Variants in TCP11L1 observed in about 807,000 individuals in gnomAD.
TCP11L1 encodes the protein T-complex protein 11-like protein 1.
A neutral mutation model predicts 48.9 loss-of-function variants in TCP11L1; 28 were observed. The observed-to-expected ratio is 0.57, with a 90% CI of 0.42 to 0.78. The LOEUF is 0.78. Among genes scored for constraint, TCP11L1 ranks in the 30% least tolerant of loss-of-function variants. The pLI is 0.00. For missense variants in TCP11L1, 505 were observed against 613.4 expected, an observed-to-expected ratio of 0.82 and a Z score of 1.87; for synonymous variants, 204 against 231.9, an observed-to-expected ratio of 0.88 and a Z score of 1.09.
intron 2 of TCP11L1, among the ~76,000 whole-genome samples, chr11:33,049,225 C>T (rs968013856): frequency 2.2e-5 from 3 of 138,326 alleles, no homozygotes; most frequent in African/African-American, 8.3e-5. Flanking sequence ...ACTCCAGCCT[C>T]GTGACAGAGC....
intron 9 of TCP11L1, among the ~76,000 whole-genome samples, chr11:33,070,688 A>C (rs1854759849): frequency 6.8e-6 from 1 of 147,220 alleles, no homozygotes; most frequent in Admixed American, 6.8e-5. Context: ...TCTGTCTCAA[A>C]AAAAAAAAAA....
intron 2 of TCP11L1, among the ~76,000 whole-genome samples, chr11:33,048,148 A>G (rs1287265958): frequency 6.6e-6 from 1 of 152,132 alleles, no homozygotes; most frequent in East Asian, 1.9e-4. Context: ...TGTATCACGT[A>G]AGATAAACTC....
chr11:33,057,144 A>G lies in TCP11L1; in HGVS notation c.326A>G (p.His109Arg). The G allele has an allele frequency of 6.2e-7, 1 of 1,614,020 alleles. No homozygotes were observed. The highest frequency in any genetic ancestry group is 8.5e-7 in the Non-Finnish European group (1 of 1,180,002). ...SLKKRVKEIV[H>R]KAFWDCLSVQ... ...AAGAAGAGAGTAAAGGAGATTGTAC[A>G]TAAAGCGTTTTGGGATTGCTTGAGT... The change falls in exon 4 of 10, where the codon CAT becomes CGT. Residue 109 changes from histidine to arginine, a missense_variant. Around this residue, in one of 3 missense-constraint regions of TCP11L1, gnomAD observed 168 missense variants for 183.5 expected, o/e 0.92. Coordinates refer to ENST00000334274, the MANE Select transcript of TCP11L1 (RefSeq NM_018393.4).
chr11:33,043,064 TCAAAA>T (rs972204842), intron 1 of TCP11L1, among the ~76,000 whole-genome samples: 104 of 152,210 alleles, frequency 6.8e-4, no homozygotes, highest in African/African-American at 1.9e-3. Flanking sequence ...AAACTCTGTC[TCAAAA>T]CAAAACAAAA....
At chr11:33,059,341 A>C (rs1854407393) in intron 6 of TCP11L1, among the ~76,000 whole-genome samples, 1 of 152,232 alleles carries the variant, frequency 6.6e-6, no homozygotes, top group South Asian at 2.1e-4. Context: ...AAAAACAATG[A>C]ATTCCTAAAT....
intron 1 of TCP11L1, among the ~76,000 whole-genome samples, chr11:33,041,597 G>A (rs4465343): frequency 0.41 from 61,961 of 151,756 alleles, 12,825 homozygotes; most frequent in African/African-American, 0.46. Flanking sequence ...CTAAAAATAC[G>A]AAAATTAGCG....
At chr11:33,058,861 G>C (rs112498700) in intron 5 of TCP11L1, 98 bp from the exon 6 acceptor site, 229,171 of 1,367,758 alleles carry the variant, frequency 0.17, 20,493 homozygotes, top group East Asian at 0.3. Context: ...CTCCCAAAGT[G>C]TTGGGATTAC....
intron 7 of TCP11L1, among the ~76,000 whole-genome samples, chr11:33,063,857 C>T (rs1225141885): frequency 1.3e-5 from 2 of 152,190 alleles, no homozygotes; most frequent in Non-Finnish European, 2.9e-5. Context: ...CTGGAGGAAG[C>T]TCTAAAGAGA....
intron 5 of TCP11L1, 95 bp downstream of exon 5, chr11:33,058,234 T>C (rs906499771): frequency 5.9e-6 from 7 of 1,194,984 alleles, no homozygotes; most frequent in Admixed American, 5.7e-5. Context: ...AGTCTCACTC[T>C]GTTGCAAAGG....
intron 2 of TCP11L1, among the ~76,000 whole-genome samples, chr11:33,044,406 AT>A (rs1387786671): frequency 6.6e-6 from 1 of 152,238 alleles, no homozygotes; most frequent in African/African-American, 2.4e-5. Flanking sequence ...TGGTGAAGTC[AT>A]TTCAGATCCC....
At chr11:33,041,605 G>A (rs932181623) in intron 1 of TCP11L1, among the ~76,000 whole-genome samples, 1 of 152,102 alleles carries the variant, frequency 6.6e-6, no homozygotes, top group Non-Finnish European at 1.5e-5. Flanking sequence ...ACGAAAATTA[G>A]CGAGGCGTGG....
intron 4 of TCP11L1, among the ~76,000 whole-genome samples, 200 bp from the exon 5 acceptor site, chr11:33,057,719 C>A (rs772796198): frequency 3.3e-5 from 5 of 152,112 alleles, no homozygotes. Context: ...TAATTGCTAC[C>A]TAGGGCTTAA....
intron 9 of TCP11L1, 30 bp downstream of exon 9, chr11:33,068,889 TG>T: frequency 6.2e-7 from 1 of 1,600,794 alleles, no homozygotes; most frequent in Non-Finnish European, 8.5e-7. Flanking sequence ...GCAGCAGGGA[TG>T]TGCCCTCTGA....
chr11:33,050,439 T>A (rs1434643251), intron 2 of TCP11L1, among the ~76,000 whole-genome samples: 1 of 152,152 alleles, frequency 6.6e-6, no homozygotes, highest in Non-Finnish European at 1.5e-5. Context: ...GATATTGATG[T>A]ACCCACAGTG....
intron 2 of TCP11L1, among the ~76,000 whole-genome samples, chr11:33,047,216 G>GGA: frequency 7.5e-6 from 1 of 133,278 alleles, no homozygotes; most frequent in Admixed American, 7.5e-5. Flanking sequence ...TTCATCTCAA[G>GGA]AAAAAAAAAA....
chr11:33,058,919 A>G (rs376640662), intron 5 of TCP11L1, 40 bp from the exon 6 acceptor site: 19 of 1,604,698 alleles, frequency 1.2e-5, no homozygotes, highest in Admixed American at 1.0e-4. Context: ...TGCTATGTTT[A>G]CTTTACAAAT....
At chr11:33,052,507 A>T in intron 2 of TCP11L1, among the ~76,000 whole-genome samples, 1 of 152,048 alleles carries the variant, frequency 6.6e-6, no homozygotes. Flanking sequence ...CAAAAGAAAA[A>T]GGAAAGAAAA....
chr11:33,059,118 CT>C (rs1324036760), intron 6 of TCP11L1, 23 bp downstream of exon 6: 13 of 1,608,542 alleles, frequency 8.1e-6, no homozygotes, highest in South Asian at 2.2e-5. Flanking sequence ...TTTTGTGGTA[CT>C]TTTTTTGTTG....
intron 8 of TCP11L1, 144 bp downstream of exon 8, chr11:33,066,155 C>A: frequency 1.8e-6 from 2 of 1,093,118 alleles, no homozygotes; most frequent in Non-Finnish European, 2.6e-6. Flanking sequence ...TCAGTTGGTT[C>A]ACTTGGCGAA....
Sources: allele counts gnomAD v4.1 joint callset (sites outside exome capture counted in the v4.1 genomes callset), GRCh38; gene constraint gnomAD v4.1.1; regional missense constraint gnomAD v4.1.1; transcripts MANE v1.5; gene names NCBI Gene and HGNC (gene_info 2026-07-23, HGNC 2026-07-21).